The following DNMT1 variants were observed in gnomAD, a reference collection of about 807,000 sequenced individuals.
DNMT1 encodes the protein DNA methyltransferase 1.
A neutral mutation model predicts 205.3 loss-of-function variants in DNMT1; 24 were observed. That is an observed-to-expected ratio of 0.12 (90% CI 0.08 to 0.16). The LOEUF (loss-of-function observed/expected upper bound fraction) is 0.16. DNMT1 is among the 10% of genes least tolerant of loss of function. DNMT1 has a pLI of 1.00. For missense variants in DNMT1, 1,293 were observed against 2,177.7 expected (o/e 0.59, Z 8.09); for synonymous variants, 817 against 839.8 (o/e 0.97, Z 0.47).
intron 1 of DNMT1, among the ~76,000 whole-genome samples, chr19:10,191,026 T>C (rs1349301958): frequency 1.3e-4 from 19 of 151,146 alleles, no homozygotes; most frequent in Non-Finnish European, 1.8e-4. Context: ...AGTAGGAGAA[T>C]TGCTTGAACT....
Position 10,140,871 on chromosome 19 carries a change from C to G in DNMT1, c.3433G>C (p.Glu1145Gln). ...KPKSQACEPS[E>Q]PEIEIKLPKL... Reference sequence around the variant, plus strand: ...GGCAGCTTGATCTCTATCTCTGGCTCGCTCGGCTCACAGGCTTGGGACTTG... The same window carrying G: ...GGCAGCTTGATCTCTATCTCTGGCTGGCTCGGCTCACAGGCTTGGGACTTG... Residue 1145 changes from glutamate to glutamine, a missense_variant, in exon 32 of 41, where the codon GAG (glutamate) becomes CAG (glutamine). Around this residue, in one of 13 missense-constraint regions of DNMT1, gnomAD observed 167 missense variants for 258.1 expected, o/e 0.65. Coordinates refer to ENST00000359526, the MANE Select transcript of DNMT1 (RefSeq NM_001130823.3). This position sits in a 1 kb window ranked among gnomAD's most constrained non-coding sequence, Gnocchi z 8.4. The G allele has an allele frequency of 6.2e-7, 1 of 1,614,198 alleles. No homozygotes were observed.
Position 10,140,552 on chromosome 19 carries a change from T to C in DNMT1, c.3524-224A>G. The C allele has an allele frequency of 1.1e-6, 1 of 906,994 alleles. No individual in the cohort carries two copies. Among genetic ancestry groups the C allele is most frequent in the Non-Finnish European group, 1.7e-6 (1 of 601,224 alleles). 56.2% of individuals were successfully genotyped at this position (906,994 alleles called of 1,614,324 possible). A position where few individuals can be genotyped will look rare whatever the true frequency, so the allele number is the denominator to read the frequency against. On this transcript the variant is annotated intron_variant, in intron 32 of 40. Coordinates refer to ENST00000359526, the MANE Select transcript of DNMT1 (RefSeq NM_001130823.3). The surrounding 1 kb of genome is among the most constrained non-coding windows in gnomAD (Gnocchi z 8.4). ...GCCCAGCTAATTTTTGTATTCTTATTAGAGACGGGGTTTCACCATGTTGGC... is the reference window on the plus strand; with the variant it reads ...GCCCAGCTAATTTTTGTATTCTTATCAGAGACGGGGTTTCACCATGTTGGC...
Position 10,156,479 on chromosome 19 carries a change from G to A in DNMT1, c.1311C>T (p.Pro437=), listed in dbSNP as rs200680763. 3.7e-6 allele frequency: 6 copies of A among 1,613,412 alleles called. No individual in the cohort carries two copies. In the African/African-American group the frequency reaches 4.0e-5, roughly 11 times the overall value. The stretch of plus-strand genomic sequence containing the variant: ...TCTTCTCGATGAGGCCGGTGTCGAT[G>A]GGACACAGGTGACCGTGCTTACAGT... ...SVYCKHGHLC[P]IDTGLIEKNI... The change falls in exon 18 of 41, where the codon CCC becomes CCT. Residue 437 remains proline, a synonymous_variant. Transcript: ENST00000359526. The surrounding 1 kb of genome is among the most constrained non-coding windows in gnomAD (Gnocchi z 4.2).
rs765260449 is a variant in DNMT1 at position 10,154,641 on chromosome 19, G to A, written c.1777C>T (p.Leu593=). Residue 593 remains leucine, a synonymous_variant, in exon 21 of 41, where the codon CTG becomes TTG. Coordinates refer to ENST00000359526, the MANE Select transcript of DNMT1 (RefSeq NM_001130823.3). The surrounding 1 kb of genome is among the most constrained non-coding windows in gnomAD (Gnocchi z 6.3). ...ATCAGGTCCCGCATGCAGGGTGTCA[G>A]GAAGATGGGCTGCTCATCACTGTCC... ...AGDSDEQPIF[L]TPCMRDLIKL... is the part of the protein sequence containing the mutation. 6.2e-7 allele frequency: 1 copy of A among 1,614,088 alleles called. No individual in the cohort carries two copies. The highest frequency in any genetic ancestry group is 8.5e-7 in the Non-Finnish European group (1 of 1,179,974).
At chr19:10,175,128 CAT>C (rs74178238) in intron 7 of DNMT1, among the ~76,000 whole-genome samples, 29,079 of 99,316 alleles carry the variant, frequency 0.29, 3,410 homozygotes, top group Middle Eastern at 0.38. Context: ...CACACACACA[CAT>C]ATATATAACA....
In DNMT1 at chr19:10,137,870, C is replaced by A. The variant is rs374047326; in HGVS notation, c.4255G>T (p.Ala1419Ser). 4 of 1,613,284 alleles carry A rather than the reference C, an allele frequency of 2.5e-6. No homozygotes were observed. The highest frequency in any genetic ancestry group is 3.4e-6 in the Non-Finnish European group (4 of 1,179,918). Reference sequence around the variant, plus strand: ...TCCCTGAGGATGGGCTGGTACTGTGCGCCCCGGAGCTGCCTCTGGAACCAG... The same window carrying A: ...TCCCTGAGGATGGGCTGGTACTGTGAGCCCCGGAGCTGCCTCTGGAACCAG... ...QSWFQRQLRG[A>S]QYQPILRDHI... Residue 1419 changes from alanine to serine, a missense_variant, in exon 36 of 41, where the codon GCA becomes TCA. By Grantham distance (99) the Ala-to-Ser change is moderately conservative. Transcript: ENST00000359526. The surrounding 1 kb of genome is among the most constrained non-coding windows in gnomAD (Gnocchi z 6.4).
intron 11 of DNMT1, among the ~76,000 whole-genome samples, chr19:10,164,156 G>GGA (rs368866318): frequency 8.6e-5 from 13 of 151,744 alleles, no homozygotes; most frequent in East Asian, 7.7e-4. Context: ...ACATATATAT[G>GGA]GAGAGAGAGA....
chr19:10,138,644 G>T lies in DNMT1; in HGVS notation c.3949-39C>A. On this transcript the variant is annotated intron_variant, in intron 34 of 40. Coordinates refer to ENST00000359526, the MANE Select transcript of DNMT1 (RefSeq NM_001130823.3). This position sits in a 1 kb window ranked among gnomAD's most constrained non-coding sequence, Gnocchi z 4.1. ...GGACGGACAACCCCACCGTCAGTGG[G>T]ACACTCCCAACTGGACTGGCCAGAC... 3 of 1,589,104 alleles carry T rather than the reference G, an allele frequency of 1.9e-6. No individual in the cohort carries two copies. Among genetic ancestry groups the T allele is most frequent in the South Asian group, 1.1e-5 (1 of 90,034 alleles).
chr19:10,138,099 C>A lies in DNMT1; in HGVS notation c.4116-90G>T. 1 of 1,460,722 alleles carries A rather than the reference C, an allele frequency of 6.8e-7. No individual in the cohort carries two copies. The highest frequency in any genetic ancestry group is 1.4e-5 in the African/African-American group (1 of 71,810). 90.5% of individuals were successfully genotyped at this position (1,460,722 alleles called of 1,614,324 possible). On this transcript the variant is annotated intron_variant, in intron 35 of 40. Transcript: ENST00000359526. This position sits in a 1 kb window ranked among gnomAD's most constrained non-coding sequence, Gnocchi z 4.1. Reference sequence around the variant, plus strand: ...TGCCACCCCCTGCCTGCTCAGATGGCCTTCTCCCGAGATCACAGCACTGCC... The same window carrying A: ...TGCCACCCCCTGCCTGCTCAGATGGACTTCTCCCGAGATCACAGCACTGCC...
chr19:10,182,207 A>G lies in DNMT1; in HGVS notation c.81-130T>C, dbSNP rs1432909685. On this transcript the variant is annotated intron_variant, in intron 1 of 40. Coordinates refer to ENST00000359526, the MANE Select transcript of DNMT1 (RefSeq NM_001130823.3). ...AACATATGAGTGTTAGAAAAAACTA[A>G]GCTGGCTTTTGTCTCCCCGCAAGAG... 10 of 947,828 alleles carry G rather than the reference A, an allele frequency of 1.1e-5. No individual in the cohort carries two copies. The South Asian group carries it at 1.4e-4, about 13-fold the overall frequency. 58.7% of individuals were successfully genotyped at this position (947,828 alleles called of 1,614,324 possible). A position where few individuals can be genotyped will look rare whatever the true frequency, so the allele number is the denominator to read the frequency against.
At chr19:10,175,084 T>TAC (rs201133845) in intron 7 of DNMT1, among the ~76,000 whole-genome samples, 5,069 of 113,664 alleles carry the variant, frequency 0.045, 85 homozygotes, top group African/African-American at 0.07. Flanking sequence ...CATACATACA[T>TAC]ACACACACAC....
At position 10,151,588 on chromosome 19, in the gene DNMT1, A is replaced by C; in HGVS notation, c.2118-43T>G. 6.2e-7 allele frequency: 1 copy of C among 1,612,448 alleles called. No homozygotes were observed. The highest frequency in any genetic ancestry group is 8.5e-7 in the Non-Finnish European group (1 of 1,180,022). ...ATACCTAAGGCCCCTTTTCTAAGTAAGACCAACCGGGGCTGTTTTCTTCAT... is the reference window on the plus strand; with the variant it reads ...ATACCTAAGGCCCCTTTTCTAAGTACGACCAACCGGGGCTGTTTTCTTCAT... On this transcript the variant is annotated intron_variant, in intron 23 of 40. Coordinates refer to ENST00000359526, the MANE Select transcript of DNMT1 (RefSeq NM_001130823.3). This position sits in a 1 kb window ranked among gnomAD's most constrained non-coding sequence, Gnocchi z 5.0.
intron 24 of DNMT1, among the ~76,000 whole-genome samples, chr19:10,150,967 C>T (rs980145858): frequency 3.3e-5 from 5 of 152,096 alleles, no homozygotes; most frequent in South Asian, 4.1e-4. Flanking sequence ...TGGTGGTGCA[C>T]GCCTGTAATC....
intron 1 of DNMT1, among the ~76,000 whole-genome samples, chr19:10,193,185 G>C (rs903398057): frequency 6.6e-6 from 1 of 152,050 alleles, no homozygotes. Flanking sequence ...GAAACCTCAC[G>C]TATACAGAAA....
In DNMT1 at chr19:10,140,905, C is replaced by T. The variant is rs1285380275; in HGVS notation, c.3399G>A (p.Lys1133=). ...GNKGKGKGKG[K]GKPKSQACEP... ...CACAGGCTTGGGACTTGGGCTTGCC[C>T]TTCCCTGGGGGAGAGAGGCCAGAGG... The change falls in exon 32 of 41, where the codon AAG becomes AAA. Residue 1133 remains lysine (K), a synonymous_variant. Coordinates refer to ENST00000359526, the MANE Select transcript of DNMT1 (RefSeq NM_001130823.3). This position sits in a 1 kb window ranked among gnomAD's most constrained non-coding sequence, Gnocchi z 8.4. The T allele has an allele frequency of 6.2e-7, 1 of 1,613,934 alleles. No individual in the cohort carries two copies. Among genetic ancestry groups the T allele is most frequent in the Non-Finnish European group, 8.5e-7 (1 of 1,180,050 alleles).
intron 17 of DNMT1, among the ~76,000 whole-genome samples, chr19:10,158,471 C>G (rs2038501380): frequency 6.6e-6 from 1 of 152,232 alleles, no homozygotes; most frequent in Admixed American, 6.5e-5. Flanking sequence ...CTTCCCCCTC[C>G]TCTTCACAGA....
In DNMT1 at chr19:10,154,469, C is replaced by T. The variant is rs1375945352; in HGVS notation, c.1843G>A (p.Ala615Thr). ...GAATGCCTGATGGTCTGCCGCCTCGCCTGGGCTCGCCTACGGGAGAGGTTC... is the reference window on the plus strand; with the variant it reads ...GAATGCCTGATGGTCTGCCGCCTCGTCTGGGCTCGCCTACGGGAGAGGTTC... ...GVTLGQRRAQ[A>T]RRQTIRHSTR... Residue 615 changes from alanine (A) to threonine (T), a missense_variant, in exon 22 of 41, where the codon GCG becomes ACG. Coordinates refer to ENST00000359526, the MANE Select transcript of DNMT1 (RefSeq NM_001130823.3). This position sits in a 1 kb window ranked among gnomAD's most constrained non-coding sequence, Gnocchi z 6.3. 6.2e-7 allele frequency: 1 copy of T among 1,614,202 alleles called. No individual in the cohort carries two copies. Among genetic ancestry groups the T allele is most frequent in the Non-Finnish European group, 8.5e-7 (1 of 1,180,042 alleles).
At chr19:10,149,800 C>G in intron 25 of DNMT1, 53 bp downstream of exon 25, 1 of 1,608,462 alleles carries the variant, frequency 6.2e-7, no homozygotes, top group South Asian at 1.1e-5. Context: ...ACAGGCATCT[C>G]CTACTTGATG....
intron 27 of DNMT1, among the ~76,000 whole-genome samples, chr19:10,148,240 T>G (rs1055305092): frequency 1.3e-5 from 2 of 151,124 alleles, no homozygotes; most frequent in Admixed American, 6.6e-5. Flanking sequence ...CTCACGCCTG[T>G]AATCCCAGCA....
Sources: allele counts gnomAD v4.1 joint callset (sites outside exome capture counted in the v4.1 genomes callset), GRCh38; gene constraint gnomAD v4.1.1; regional missense constraint gnomAD v4.1.1; non-coding constraint Gnocchi (gnomAD v3.1); transcripts MANE v1.5; gene names NCBI Gene and HGNC (gene_info 2026-07-23, HGNC 2026-07-21).